Variants in BCAM observed in about 807,000 individuals in gnomAD.
BCAM encodes the protein basal cell adhesion molecule (Lutheran blood group), also known as basal cell adhesion molecule.
A neutral mutation model predicts 72.4 loss-of-function variants in BCAM; 61 were observed. The ratio of observed to expected loss-of-function variants is 0.84; its 90% CI spans 0.69 to 1.04. BCAM has a LOEUF of 1.04. Among genes scored for constraint, BCAM ranks in the 50% least tolerant of loss-of-function variants. The pLI, the probability that BCAM is intolerant of heterozygous loss-of-function variation, is 0.00. For synonymous variants in BCAM, 408 were observed against 384.2 expected (o/e 1.06, Z -0.73); for missense variants, 909 against 895.0 (o/e 1.02, Z -0.20).
rs1968538422 is a variant in BCAM at position 44,818,855 on chromosome 19, AC to A, written c.1312del (p.Gln438ArgfsTer13). Reference sequence around the variant, plus strand: ...GCCCACAGTCCCGGTCCTCAGCCGCACCCAGAACTTCACGCTGCTGGTCCAA... The same window carrying A: ...GCCCACAGTCCCGGTCCTCAGCCGCACCAGAACTTCACGCTGCTGGTCCAA... ...SLPTVPVLSR[T>X]QNFTLLVQGS... On this transcript the variant is annotated frameshift_variant, in exon 10 of 15. Coordinates refer to ENST00000270233, the MANE Select transcript of BCAM (RefSeq NM_005581.5). LOFTEE classifies it high-confidence loss of function. The surrounding 1 kb of genome is among the most constrained non-coding windows in gnomAD (Gnocchi z 4.6). 6.2e-7 allele frequency: 1 copy of A among 1,613,810 alleles called. No individual in the cohort carries two copies. The highest frequency in any genetic ancestry group is 1.3e-5 in the African/African-American group (1 of 74,854).
Position 44,819,722 on chromosome 19 carries a change from G to A in BCAM, c.1759G>A (p.Ala587Thr), listed in dbSNP as rs769689170. The A allele has an allele frequency of 1.9e-6, 3 of 1,599,612 alleles. No individual in the cohort carries two copies. The highest frequency in any genetic ancestry group is 2.2e-5 in the East Asian group (1 of 44,744). The change falls in exon 13 of 15, where the codon GCT becomes ACT. Residue 587 changes from alanine (A) to threonine (T), a missense_variant. Transcript: ENST00000270233. ...CTGCCGCCAGCGGCGGGAGAAGGGG[G>A]CTCCGTGAGTGGCCTGCTATCTGCA... The part of the protein sequence containing the change: ...PCCRQRREKG[A>T]PPPGEPGLSH...
rs1010224055 is a variant in BCAM, at chr19:44,814,914, T to C, written c.1078+154T>C. Among the ~76,000 whole-genome samples, 2 of 147,492 alleles carry C rather than the reference T, an allele frequency of 1.4e-5. No homozygotes were observed. The highest frequency in any genetic ancestry group is 5.1e-5 in the African/African-American group (2 of 39,034). The stretch of plus-strand genomic sequence containing the variant: ...CTTGGGGGTTTTTTTGGTTGTTTTT[T>C]TTTTTTTTTTTTTCCCAGAGACAGG... On this transcript the variant is annotated intron_variant, in intron 8 of 14. Coordinates refer to ENST00000270233, the MANE Select transcript of BCAM (RefSeq NM_005581.5). The surrounding 1 kb of genome is among the most constrained non-coding windows in gnomAD (Gnocchi z 4.6).
intron 1 of BCAM, among the ~76,000 whole-genome samples, chr19:44,809,726 G>C (rs576417677): frequency 6.6e-6 from 1 of 152,172 alleles, no homozygotes; most frequent in East Asian, 1.9e-4. Context: ...TAAAGAACCC[G>C]CCTCCCTCAG....
In BCAM at chr19:44,820,787, G is replaced by A; in HGVS notation, c.1846G>A (p.Gly616Arg). The A allele has an allele frequency of 6.6e-7, 1 of 1,504,900 alleles. No individual in the cohort carries two copies. Among genetic ancestry groups the A allele is most frequent in the East Asian group, 2.6e-5 (1 of 39,064 alleles). 93.2% of individuals were successfully genotyped at this position (1,504,900 alleles called of 1,614,324 possible). A position where few individuals can be genotyped will look rare whatever the true frequency, so the allele number is the denominator to read the frequency against. Reference sequence around the variant, plus strand: ...CCTTCTCATGGGAGGTGCCTCCGGAGGAGCCAGGGGTGGCAGCGGGGGCTT... The same window carrying A: ...CCTTCTCATGGGAGGTGCCTCCGGAAGAGCCAGGGGTGGCAGCGGGGGCTT... ...TGLLMGGASG[G>R]ARGGSGGFGD... The change falls in exon 14 of 15, where the codon GGA becomes AGA. Residue 616 changes from glycine (G) to arginine (R), a missense_variant. Physicochemically the swap from Gly to Arg is moderately radical, Grantham distance 125. Coordinates refer to ENST00000270233, the MANE Select transcript of BCAM (RefSeq NM_005581.5).
intron 1 of BCAM, among the ~76,000 whole-genome samples, chr19:44,809,631 G>T (rs1199155738): frequency 6.6e-6 from 1 of 152,124 alleles, no homozygotes; most frequent in Non-Finnish European, 1.5e-5. Flanking sequence ...AGTTTTGAGA[G>T]GTCCAGGGAC....
chr19:44,814,492 CT>C lies in BCAM; in HGVS notation c.922-111del. The C allele has an allele frequency of 2.7e-6, 4 of 1,466,750 alleles. No homozygotes were observed. Among genetic ancestry groups the C allele is most frequent in the African/African-American group, 1.4e-5 (1 of 71,096 alleles). The allele number at this position is 1,466,750 out of a possible 1,614,324, so 90.9% of individuals were successfully genotyped here. On this transcript the variant is annotated intron_variant, in intron 7 of 14. Transcript: ENST00000270233. The surrounding 1 kb of genome is among the most constrained non-coding windows in gnomAD (Gnocchi z 4.6). ...AGCATGCCACCTGACTTGATGGCCC[CT>C]GACCCCTGATTCTGGCTTAGCATGA... is the stretch of plus-strand genomic sequence containing the variant.
rs1174653633 is a variant in BCAM, at chr19:44,814,716, C to T, written c.1034C>T (p.Ala345Val). The T allele has an allele frequency of 1.9e-6, 3 of 1,613,838 alleles. No individual in the cohort carries two copies. The highest frequency in any genetic ancestry group is 1.1e-5 in the South Asian group (1 of 91,082). ...YGCRVEDYDAADDVQLSKTLE... is the reference protein window; with the variant it reads ...YGCRVEDYDAVDDVQLSKTLE... ...TGCAGAGTGGAGGATTACGACGCGG[C>T]AGATGACGTGCAGCTCTCCAAGACG... Residue 345 changes from alanine to valine, a missense_variant, in exon 8 of 15, where the codon GCA becomes GTA. Ala to Val is a moderately conservative substitution (Grantham distance 64). Transcript: ENST00000270233. The surrounding 1 kb of genome is among the most constrained non-coding windows in gnomAD (Gnocchi z 4.6).
chr19:44,811,772 C>T (rs982453451), intron 2 of BCAM: 20 of 327,936 alleles, frequency 6.1e-5, no homozygotes, highest in South Asian at 2.4e-4. Flanking sequence ...GTAATCCCAG[C>T]TACTCAGGAG....
Position 44,819,078 on chromosome 19 carries a change from G to A in BCAM, c.1359G>A (p.Ala453=), listed in dbSNP as rs79447398. The A allele has an allele frequency of 2.7e-4, 436 of 1,613,962 alleles. 2 individuals carry two copies. The East Asian group carries it at 6.9e-3, about 26-fold the overall frequency. Reference sequence around the variant, plus strand: ...CAGGCTCGCCAGAGCTAAAGACAGCGGAAATAGAGCCCAAGGCAGATGGCA... The same window carrying A: ...CAGGCTCGCCAGAGCTAAAGACAGCAGAAATAGAGCCCAAGGCAGATGGCA... ...LVQGSPELKT[A]EIEPKADGSW... Residue 453 remains alanine, a synonymous_variant, in exon 11 of 15, where the codon GCG becomes GCA. Transcript: ENST00000270233.
intron 8 of BCAM, among the ~76,000 whole-genome samples, chr19:44,815,488 G>A (rs140105611): frequency 9.3e-4 from 142 of 152,252 alleles, no homozygotes; most frequent in Non-Finnish European, 1.8e-3. Context: ...AAGCCCTTTC[G>A]TAACAGTAGT....
Position 44,813,498 on chromosome 19 carries a change from C to G in BCAM, c.662C>G (p.Thr221Ser). ...TCGGGCCTGCTCTCCCTCACCAGCA[C>G]CCTCTACCTGCGGCTCCGCAAGGAT... is the stretch of plus-strand genomic sequence containing the variant. The part of the protein sequence containing the change: ...EASGLLSLTS[T>S]LYLRLRKDDR... The change falls in exon 6 of 15, where the codon ACC becomes AGC. Residue 221 changes from threonine to serine, a missense_variant. Physicochemically the swap from Thr to Ser is moderately conservative, Grantham distance 58. Coordinates refer to ENST00000270233, the MANE Select transcript of BCAM (RefSeq NM_005581.5). This position sits in a 1 kb window ranked among gnomAD's most constrained non-coding sequence, Gnocchi z 4.2. 6.2e-7 allele frequency: 1 copy of G among 1,612,696 alleles called. No homozygotes were observed. The highest frequency in any genetic ancestry group is 8.5e-7 in the Non-Finnish European group (1 of 1,179,908).
intron 2 of BCAM, 114 bp downstream of exon 2, chr19:44,811,460 C>T (rs1164448346): frequency 1.3e-6 from 2 of 1,530,710 alleles, no homozygotes; most frequent in Admixed American, 1.7e-5. Context: ...CTCCTTGTTA[C>T]AGATGGGGTC....
In BCAM at chr19:44,809,150, A is replaced by T. The variant is rs1217592022; in HGVS notation, c.26A>T (p.Gln9Leu). Residue 9 changes from glutamine to leucine, a missense_variant, in exon 1 of 15, where the codon CAG becomes CTG. By Grantham distance (113) the Gln-to-Leu change is moderately radical. Transcript: ENST00000270233. MEPPDAPA[Q>L]ARGAPRLLLL... ...ATGGAGCCCCCGGACGCACCGGCCC[A>T]GGCGCGCGGGGCCCCGCGGCTGCTG... 2 of 1,471,998 alleles carry T rather than the reference A, an allele frequency of 1.4e-6. No individual in the cohort carries two copies. The allele number at this position is 1,471,998 out of a possible 1,614,324, so 91.2% of individuals were successfully genotyped here.
rs1232072867 is a variant in BCAM at position 44,820,720 on chromosome 19, A to G, written c.1779A>G (p.Pro593=). 6 of 1,412,564 alleles carry G rather than the reference A, an allele frequency of 4.2e-6. No individual in the cohort carries two copies. In the South Asian group the frequency reaches 9.8e-5, roughly 23 times the overall value. 87.5% of individuals were successfully genotyped at this position (1,412,564 alleles called of 1,614,324 possible). A position where few individuals can be genotyped will look rare whatever the true frequency, so the allele number is the denominator to read the frequency against. The change falls in exon 14 of 15, where the codon CCA becomes CCG. Residue 593 remains proline, a synonymous_variant. Transcript: ENST00000270233. Reference sequence around the variant, plus strand: ...CTCCCCCCAGGCCGCCAGGGGAGCCAGGGCTGAGCCACTCGGGGTCGGAGC... The same window carrying G: ...CTCCCCCCAGGCCGCCAGGGGAGCCGGGGCTGAGCCACTCGGGGTCGGAGC... ...REKGAPPPGE[P]GLSHSGSEQP...
rs757889532 is a variant in BCAM at position 44,818,632 on chromosome 19, A to G, written c.1189A>G (p.Thr397Ala). ...HGLPTPALRW[T>A]KDSTPLGDGP... ...CCTGCCCACCCCTGCCCTACGCTGG[A>G]CCAAGGTGAGAGGGAGAGGAGCCCC... Residue 397 changes from threonine to alanine, a missense_variant, in exon 9 of 15, where the codon ACC becomes GCC. Transcript: ENST00000270233. This position sits in a 1 kb window ranked among gnomAD's most constrained non-coding sequence, Gnocchi z 4.6. 1.2e-6 allele frequency: 2 copies of G among 1,613,470 alleles called. No individual in the cohort carries two copies. The highest frequency in any genetic ancestry group is 2.2e-5 in the South Asian group (2 of 91,058).
At chr19:44,809,902 A>T (rs1026996719) in intron 1 of BCAM, among the ~76,000 whole-genome samples, 1 of 151,844 alleles carries the variant, frequency 6.6e-6, no homozygotes, top group Non-Finnish European at 1.5e-5. Context: ...GGACAGAGGG[A>T]CAGAGAGATG....
intron 13 of BCAM, 109 bp from the exon 14 acceptor site, chr19:44,820,596 A>C (rs1362563875): frequency 1.3e-4 from 162 of 1,227,524 alleles, no homozygotes; most frequent in Non-Finnish European, 1.6e-4. Context: ...CCCCATCCTC[A>C]CCTCCATCCC....
intron 8 of BCAM, among the ~76,000 whole-genome samples, chr19:44,815,682 G>A (rs1968495472): frequency 1.3e-5 from 2 of 152,122 alleles, no homozygotes; most frequent in Admixed American, 1.3e-4. Context: ...AGCAAGATTT[G>A]GCAAGGTGAG....
Position 44,814,680 on chromosome 19 carries a change from G to A in BCAM, c.998G>A (p.Gly333Glu). The A allele has an allele frequency of 2.5e-6, 4 of 1,614,098 alleles. No homozygotes were observed. Among genetic ancestry groups the A allele is most frequent in the Non-Finnish European group, 3.4e-6 (4 of 1,180,028 alleles). Reference sequence around the variant, plus strand: ...GAGGGAGTGACCCGGGGCCAGAGCGGGACCTATGGCTGCAGAGTGGAGGAT... The same window carrying A: ...GAGGGAGTGACCCGGGGCCAGAGCGAGACCTATGGCTGCAGAGTGGAGGAT... ...TLEGVTRGQSGTYGCRVEDYD... is the reference protein window; with the variant it reads ...TLEGVTRGQSETYGCRVEDYD... Residue 333 changes from glycine (G) to glutamate (E), a missense_variant, in exon 8 of 15, where the codon GGG becomes GAG. By Grantham distance (98) the Gly-to-Glu change is moderately conservative. Transcript: ENST00000270233. This position sits in a 1 kb window ranked among gnomAD's most constrained non-coding sequence, Gnocchi z 4.6.
Sources: gnomAD v4.1 joint callset for allele counts (sites outside exome capture counted in the v4.1 genomes callset) on GRCh38, gnomAD v4.1.1 for gene constraint, Gnocchi (gnomAD v3.1) non-coding constraint, MANE v1.5 for transcripts, NCBI Gene and HGNC (gene_info 2026-07-23, HGNC 2026-07-21) for gene names.